Variants in C13orf46 observed in about 807,000 individuals in gnomAD.
The protein encoded by C13orf46 is chromosome 13 open reading frame 46.
chr13:113,972,154 G>A (rs901923790), intron 1 of C13orf46, among the ~76,000 whole-genome samples: 23 of 152,280 alleles, frequency 1.5e-4, no homozygotes, highest in African/African-American at 9.6e-5. Flanking sequence ...CTCTAAGTCC[G>A]CACTGTGGTG....
chr13:113,958,750 A>G (rs2138980354), intron 6 of C13orf46, among the ~76,000 whole-genome samples: 1 of 152,294 alleles, frequency 6.6e-6, no homozygotes, highest in Admixed American at 6.5e-5. Flanking sequence ...CATCGTGCCC[A>G]TGAAGGGACT....
the C13orf46 span, among the ~76,000 whole-genome samples, chr13:113,932,478 T>C: frequency 6.6e-6 from 1 of 152,234 alleles, no homozygotes; most frequent in Non-Finnish European, 1.5e-5. Flanking sequence ...AAGGACTAAA[T>C]GGTTGTCAGC....
At chr13:113,929,232 A>G in the C13orf46 span, among the ~76,000 whole-genome samples, 2 of 152,230 alleles carry the variant, frequency 1.3e-5, no homozygotes, top group East Asian at 1.9e-4. Context: ...GGAAGACAGT[A>G]AAGGAGACCT....
At chr13:113,963,662 T>TGCCCCTGTCCTCAGCCATG (rs2052610899) in intron 6 of C13orf46, among the ~76,000 whole-genome samples, 3 of 139,852 alleles carry the variant, frequency 2.1e-5, no homozygotes, top group Non-Finnish European at 4.6e-5. Flanking sequence ...TCCTCAGCCT[T>TGCCCCTGTCCTCAGCCATG]GCCCCTGTCC....
intron 6 of C13orf46, among the ~76,000 whole-genome samples, chr13:113,961,647 G>A (rs1046593929): frequency 2.1e-4 from 32 of 152,072 alleles, no homozygotes; most frequent in Non-Finnish European, 3.4e-4. Context: ...GTACAAAAAG[G>A]TGGGAAATAT....
At chr13:113,935,632 T>A in the C13orf46 span, among the ~76,000 whole-genome samples, 1 of 152,226 alleles carries the variant, frequency 6.6e-6, no homozygotes, top group African/African-American at 2.4e-5. Flanking sequence ...AGGGCCAAAC[T>A]GGCAGCCACT....
At chr13:113,965,015 T>C (rs1438819844) in intron 5 of C13orf46, 21 bp from the exon 6 acceptor site, 3 of 152,296 alleles carry the variant, frequency 2.0e-5, no homozygotes, top group Non-Finnish European at 2.9e-5. Context: ...TGGAGACATT[T>C]AAGGGATGGG....
intron 1 of C13orf46, among the ~76,000 whole-genome samples, chr13:113,972,447 C>T (rs1360336085): frequency 6.6e-5 from 10 of 152,218 alleles, no homozygotes; most frequent in East Asian, 3.9e-4. Context: ...CTCACTTCCA[C>T]GGCCCCGTGG....
intron 6 of C13orf46, among the ~76,000 whole-genome samples, chr13:113,962,131 C>T (rs999946664): frequency 3.3e-5 from 5 of 152,102 alleles, no homozygotes; most frequent in African/African-American, 4.8e-5. Flanking sequence ...AGGCTGGGTG[C>T]GGTGGCTCAC....
chr13:113,964,652 C>T (rs930235327), intron 6 of C13orf46, among the ~76,000 whole-genome samples: 1,913 of 152,276 alleles, frequency 0.013, 35 homozygotes, highest in African/African-American at 0.043. Flanking sequence ...GGTCCTTTTC[C>T]TGGCTGGTGG....
intron 6 of C13orf46, among the ~76,000 whole-genome samples, chr13:113,963,860 G>A (rs1484800280): frequency 6.6e-6 from 1 of 152,174 alleles, no homozygotes; most frequent in East Asian, 1.9e-4. Context: ...ACTGTTGTTT[G>A]TTTGTTTGAG....
At chr13:113,943,019 C>T in the C13orf46 span, among the ~76,000 whole-genome samples, 12 of 152,206 alleles carry the variant, frequency 7.9e-5, no homozygotes, top group African/African-American at 2.7e-4. Flanking sequence ...GCTGGCCCCT[C>T]GGGTCCCTGG....
intron 1 of C13orf46, among the ~76,000 whole-genome samples, chr13:113,972,232 G>T (rs764570053): frequency 6.6e-6 from 1 of 152,218 alleles, no homozygotes; most frequent in Non-Finnish European, 1.5e-5. Context: ...CAGCCTTGGC[G>T]TAACTTATTC....
At chr13:113,944,510 C>T in the C13orf46 span, among the ~76,000 whole-genome samples, 1 of 152,056 alleles carries the variant, frequency 6.6e-6, no homozygotes, top group African/African-American at 2.4e-5. Flanking sequence ...GTGTGATGGG[C>T]CCTCCAGGTG....
intron 6 of C13orf46, among the ~76,000 whole-genome samples, chr13:113,963,695 G>GCCACGGCCCCTGT (rs2052611415): frequency 1.3e-5 from 2 of 152,186 alleles, no homozygotes; most frequent in Non-Finnish European, 2.9e-5. Context: ...CCTGTCCTCA[G>GCCACGGCCCCTGT]CCTCAGCTGC....
At chr13:113,959,104 C>T (rs1052954647) in intron 6 of C13orf46, among the ~76,000 whole-genome samples, 3 of 151,960 alleles carry the variant, frequency 2.0e-5, no homozygotes, top group Non-Finnish European at 2.9e-5. Flanking sequence ...TAGGGAGATC[C>T]CCATCTCTAC....
chr13:113,961,220 T>C (rs2138982359), intron 6 of C13orf46, among the ~76,000 whole-genome samples: 1 of 152,208 alleles, frequency 6.6e-6, no homozygotes, highest in Admixed American at 6.5e-5. Flanking sequence ...AAATGATAAA[T>C]GATACTAAAT....
Position 113,955,487 on chromosome 13 carries a change from G to A in C13orf46, c.*1286C>T, listed in dbSNP as rs2052519483. 1 of 158,180 alleles carries A rather than the reference G, an allele frequency of 6.3e-6. No individual in the cohort carries two copies. The highest frequency in any genetic ancestry group is 2.6e-5 in the African/African-American group (1 of 38,476). The allele number at this position is 158,180 out of a possible 1,614,324, so 9.8% of individuals were successfully genotyped here. On this transcript the variant is annotated 3_prime_UTR_variant, in exon 7 of 7. Transcript: ENST00000636427. Reference sequence around the variant, plus strand: ...CATCTCGAGGAGCGGAGGAGCATCTGGCGGAGACGAGGAGCATCTCGTGGA... The same window carrying A: ...CATCTCGAGGAGCGGAGGAGCATCTAGCGGAGACGAGGAGCATCTCGTGGA...
the C13orf46 span, among the ~76,000 whole-genome samples, chr13:113,946,552 C>G: frequency 3.8e-3 from 576 of 152,344 alleles, no homozygotes; most frequent in African/African-American, 0.013. Context: ...AGTAGCTAGG[C>G]CAGCACAAAT....
Sources: allele counts gnomAD v4.1 joint callset (sites outside exome capture counted in the v4.1 genomes callset), GRCh38; gene constraint gnomAD v4.1.1; transcripts MANE v1.5; gene names NCBI Gene and HGNC (gene_info 2026-07-23, HGNC 2026-07-21).